GPATCH2: variants seen among roughly 807,000 people sequenced by gnomAD.
GPATCH2 encodes G patch domain-containing protein 2.
In GPATCH2, 51 loss-of-function variants were observed where a neutral mutation model predicts 58.0. The ratio of observed to expected loss-of-function variants is 0.88; its 90% CI spans 0.70 to 1.11. The LOEUF (loss-of-function observed/expected upper bound fraction) is 1.11. GPATCH2 is among the 50% of genes most tolerant of loss of function. The pLI is 0.00. For synonymous variants in GPATCH2, 222 were observed against 218.5 expected, an observed-to-expected ratio of 1.02 and a Z score of -0.14; for missense variants, 625 against 652.2, an observed-to-expected ratio of 0.96 and a Z score of 0.45.
chr1:217,625,255 G>A (rs1045376213), intron 1 of GPATCH2, among the ~76,000 whole-genome samples: 5 of 152,102 alleles, frequency 3.3e-5, no homozygotes, highest in Non-Finnish European at 5.9e-5. Context: ...AGTGGAATCC[G>A]TTTAAGAATA....
intron 8 of GPATCH2, among the ~76,000 whole-genome samples, chr1:217,456,026 C>T (rs1331121927): frequency 6.6e-6 from 1 of 152,034 alleles, no homozygotes; most frequent in Non-Finnish European, 1.5e-5. Flanking sequence ...CGTCCCCTTC[C>T]CAGCTCCCCA....
intron 6 of GPATCH2, among the ~76,000 whole-genome samples, chr1:217,510,921 T>A (rs1177445750): frequency 1.3e-5 from 2 of 151,816 alleles, no homozygotes; most frequent in African/African-American, 4.8e-5. Flanking sequence ...GGTGAAACCC[T>A]GTATCCACTA....
intron 5 of GPATCH2, among the ~76,000 whole-genome samples, chr1:217,600,352 A>G (rs1157389623): frequency 2.6e-5 from 4 of 152,132 alleles, no homozygotes; most frequent in African/African-American, 9.6e-5. Context: ...GGCATCCTCT[A>G]ACTATAGTAA....
intron 6 of GPATCH2, among the ~76,000 whole-genome samples, chr1:217,503,881 C>T (rs1192513048): frequency 6.6e-6 from 1 of 152,090 alleles, no homozygotes; most frequent in African/African-American, 2.4e-5. Flanking sequence ...TGAGCCCTTA[C>T]TAAGGCAATT....
intron 9 of GPATCH2, among the ~76,000 whole-genome samples, chr1:217,447,154 A>G (rs1247240637): frequency 6.6e-6 from 1 of 152,204 alleles, no homozygotes; most frequent in Non-Finnish European, 1.5e-5. Flanking sequence ...CATGTGTTTC[A>G]TCCAAAATGT....
At chr1:217,628,739 A>G (rs764046326) in intron 1 of GPATCH2, among the ~76,000 whole-genome samples, 11 of 151,810 alleles carry the variant, frequency 7.2e-5, no homozygotes, top group Non-Finnish European at 1.5e-4. Context: ...ACATTTACCC[A>G]TTTGGTGCCT....
chr1:217,533,887 A>T (rs1029286186), intron 5 of GPATCH2, among the ~76,000 whole-genome samples: 1 of 152,174 alleles, frequency 6.6e-6, no homozygotes, highest in Non-Finnish European at 1.5e-5. Flanking sequence ...TTATGTATAG[A>T]AATACTTAAA....
chr1:217,597,768 T>A (rs1046191215), intron 5 of GPATCH2, among the ~76,000 whole-genome samples: 2 of 152,168 alleles, frequency 1.3e-5, no homozygotes, highest in African/African-American at 4.8e-5. Context: ...ACAAGAATGT[T>A]GGCTAGTGGA....
At chr1:217,475,310 A>T (rs1390309512) in intron 8 of GPATCH2, among the ~76,000 whole-genome samples, 1 of 152,118 alleles carries the variant, frequency 6.6e-6, no homozygotes, top group East Asian at 1.9e-4. Flanking sequence ...GTGGTGGCAG[A>T]TGCCTGTAAT....
intron 7 of GPATCH2, chr1:217,492,603 A>C (rs1263878913): frequency 1.3e-5 from 2 of 152,218 alleles, no homozygotes; most frequent in Non-Finnish European, 2.9e-5. Context: ...CCAGTAACTA[A>C]AAAGTCACTA....
chr1:217,552,807 T>A (rs1205472787), intron 5 of GPATCH2, among the ~76,000 whole-genome samples: 2 of 152,032 alleles, frequency 1.3e-5, no homozygotes, highest in African/African-American at 4.8e-5. Context: ...TCTGCATGAG[T>A]CTAGTGCCTC....
chr1:217,449,574 A>G (rs1158783746), intron 8 of GPATCH2, among the ~76,000 whole-genome samples: 1 of 152,200 alleles, frequency 6.6e-6, no homozygotes, highest in East Asian at 1.9e-4. Flanking sequence ...ATGCTTTTTA[A>G]TTTTCAAAAC....
chr1:217,542,763 A>G (rs1467535839), intron 5 of GPATCH2, among the ~76,000 whole-genome samples: 1 of 152,234 alleles, frequency 6.6e-6, no homozygotes, highest in Non-Finnish European at 1.5e-5. Context: ...AAGAATTAAT[A>G]CTAAAGTCCT....
chr1:217,538,945 C>T (rs1012764929), intron 5 of GPATCH2, among the ~76,000 whole-genome samples: 3 of 152,116 alleles, frequency 2.0e-5, no homozygotes, highest in East Asian at 1.9e-4. Context: ...TATCAAATCA[C>T]TTTCTTATAC....
intron 5 of GPATCH2, among the ~76,000 whole-genome samples, chr1:217,572,765 A>G (rs902006686): frequency 6.6e-6 from 1 of 152,210 alleles, no homozygotes; most frequent in African/African-American, 2.4e-5. Context: ...TAATTGATCT[A>G]AGATGAGGCC....
At chr1:217,459,801 T>C (rs1660120184) in intron 8 of GPATCH2, among the ~76,000 whole-genome samples, 1 of 152,164 alleles carries the variant, frequency 6.6e-6, no homozygotes, top group Non-Finnish European at 1.5e-5. Context: ...CATTTTTGGA[T>C]CTACTTCATC....
At chr1:217,493,311 A>T (rs1021319636) in intron 7 of GPATCH2, among the ~76,000 whole-genome samples, 4 of 152,150 alleles carry the variant, frequency 2.6e-5, no homozygotes, top group African/African-American at 9.7e-5. Flanking sequence ...TTACATCTCT[A>T]AATTCATAAT....
chr1:217,441,582 T>G (rs1184182461), intron 9 of GPATCH2, among the ~76,000 whole-genome samples: 4 of 152,152 alleles, frequency 2.6e-5, no homozygotes, highest in Non-Finnish European at 5.9e-5. Flanking sequence ...AGAAAATTTT[T>G]GCAATTTATC....
intron 5 of GPATCH2, among the ~76,000 whole-genome samples, chr1:217,586,184 C>A (rs1017981144): frequency 2.6e-5 from 4 of 151,926 alleles, no homozygotes; most frequent in Non-Finnish European, 4.4e-5. Flanking sequence ...TTTAAAATAT[C>A]CTCTTTCTTC....
Sources: allele counts gnomAD v4.1 joint callset (sites outside exome capture counted in the v4.1 genomes callset), GRCh38; gene constraint gnomAD v4.1.1; transcripts MANE v1.5; gene names NCBI Gene and HGNC (gene_info 2026-07-23, HGNC 2026-07-21).